The following KHDRBS2 variants were observed in gnomAD, a reference collection of about 807,000 sequenced individuals.
KHDRBS2 encodes KH domain-containing, RNA-binding, signal transduction-associated protein 2.
A neutral mutation model predicts 44.3 loss-of-function variants in KHDRBS2; 26 were observed. The ratio of observed to expected loss-of-function variants is 0.59; its 90% CI spans 0.43 to 0.81. The LOEUF is 0.81. Ranked by LOEUF, KHDRBS2 falls within the 40% of genes least tolerant of loss-of-function variation. KHDRBS2 has a pLI of 0.00. For missense variants in KHDRBS2, 476 were observed against 433.1 expected, an observed-to-expected ratio of 1.10 and a Z score of -0.88; for synonymous variants, 194 against 151.1, an observed-to-expected ratio of 1.28 and a Z score of -2.08.
intron 1 of KHDRBS2, among the ~76,000 whole-genome samples, chr6:62,205,278 T>C (rs1171456588): frequency 1.3e-5 from 2 of 152,128 alleles, no homozygotes; most frequent in Non-Finnish European, 2.9e-5. Flanking sequence ...ACAATGTCCA[T>C]AAAAATGTGG....
At chr6:61,977,961 G>A (rs573243171) in intron 4 of KHDRBS2, 105 bp downstream of exon 4, 2 of 943,772 alleles carry the variant, frequency 2.1e-6, no homozygotes, top group African/African-American at 3.3e-5. Context: ...ATAGATCATT[G>A]GTTTGCAATA....
chr6:61,588,916 G>A, the KHDRBS2 span, among the ~76,000 whole-genome samples: 3 of 152,104 alleles, frequency 2.0e-5, no homozygotes, highest in Non-Finnish European at 2.9e-5. Context: ...TCCTTCACAG[G>A]AACATGGATG....
chr6:62,183,080 T>G (rs1488368477), intron 1 of KHDRBS2, among the ~76,000 whole-genome samples: 1 of 151,842 alleles, frequency 6.6e-6, no homozygotes, highest in Non-Finnish European at 1.5e-5. Context: ...AAATAGAATT[T>G]GCTTAAGATT....
At chr6:61,889,445 G>C (rs1383236048) in intron 6 of KHDRBS2, among the ~76,000 whole-genome samples, 2 of 152,146 alleles carry the variant, frequency 1.3e-5, no homozygotes, top group Non-Finnish European at 2.9e-5. Context: ...TAACCCAGTC[G>C]TTCAGTCTAA....
intron 8 of KHDRBS2, among the ~76,000 whole-genome samples, chr6:61,686,290 G>A (rs114915055): frequency 8.7e-4 from 132 of 151,754 alleles, no homozygotes; most frequent in Non-Finnish European, 1.5e-3. Flanking sequence ...ATTACAAACC[G>A]CTAGTGTTTT....
chr6:61,636,973 C>A, the KHDRBS2 span, among the ~76,000 whole-genome samples: 1 of 152,156 alleles, frequency 6.6e-6, no homozygotes, highest in African/African-American at 2.4e-5. Flanking sequence ...GTTGAATAAA[C>A]ATACAAGAAG....
chr6:61,790,312 C>T (rs961748729), intron 6 of KHDRBS2, among the ~76,000 whole-genome samples: 4 of 150,304 alleles, frequency 2.7e-5, no homozygotes, highest in Non-Finnish European at 5.9e-5. Flanking sequence ...ATTTTCAATC[C>T]GTTAGATTTG....
chr6:61,845,859 C>T (rs1331904080), intron 6 of KHDRBS2, among the ~76,000 whole-genome samples: 6 of 152,076 alleles, frequency 3.9e-5, no homozygotes, highest in African/African-American at 1.4e-4. Flanking sequence ...TTTGGAAACT[C>T]GTCCCTACCC....
chr6:61,862,840 G>C (rs1797188347), intron 6 of KHDRBS2, among the ~76,000 whole-genome samples: 1 of 152,030 alleles, frequency 6.6e-6, no homozygotes, highest in Non-Finnish European at 1.5e-5. Context: ...TCATAGAATG[G>C]GTTAGGGAGG....
At chr6:62,153,372 TTGGA>T in intron 2 of KHDRBS2, among the ~76,000 whole-genome samples, 1 of 152,330 alleles carries the variant, frequency 6.6e-6, no homozygotes, top group South Asian at 2.1e-4. Context: ...AATCAAATTC[TTGGA>T]GTCCAAGCAT....
chr6:61,605,413 C>A, the KHDRBS2 span, among the ~76,000 whole-genome samples: 6 of 152,212 alleles, frequency 3.9e-5, no homozygotes, highest in African/African-American at 9.6e-5. Flanking sequence ...CCACTCTTAA[C>A]TCTTAAAGTA....
At chr6:61,943,022 GGAAGGAAGGAAGGAAA>G (rs1278976827) in intron 4 of KHDRBS2, among the ~76,000 whole-genome samples, 2 of 136,898 alleles carry the variant, frequency 1.5e-5, no homozygotes, top group South Asian at 2.3e-4. Context: ...GAGAGAGAAA[GGAAGGAAGGAAGGAAA>G]GAAGGAAGGG....
chr6:61,591,610 G>A, the KHDRBS2 span, among the ~76,000 whole-genome samples: 1 of 152,068 alleles, frequency 6.6e-6, no homozygotes, highest in Admixed American at 6.6e-5. Context: ...GCAGTGGTTT[G>A]TGTGTCCCTT....
At chr6:61,755,435 A>G (rs775081437) in intron 6 of KHDRBS2, among the ~76,000 whole-genome samples, 5 of 151,630 alleles carry the variant, frequency 3.3e-5, no homozygotes, top group Non-Finnish European at 7.4e-5. Flanking sequence ...GTCTGCAGAA[A>G]AACAAAGCTT....
At chr6:61,804,897 C>T (rs1786891453) in intron 6 of KHDRBS2, among the ~76,000 whole-genome samples, 1 of 152,148 alleles carries the variant, frequency 6.6e-6, no homozygotes, top group Non-Finnish European at 1.5e-5. Flanking sequence ...CTCTGACATG[C>T]CCTGGAGACA....
At chr6:61,899,141 A>T (rs570727323) in intron 5 of KHDRBS2, among the ~76,000 whole-genome samples, 2 of 152,076 alleles carry the variant, frequency 1.3e-5, no homozygotes, top group Non-Finnish European at 2.9e-5. Flanking sequence ...CAAAGACCTT[A>T]AACATTCTTT....
the KHDRBS2 span, among the ~76,000 whole-genome samples, chr6:61,564,907 G>A: frequency 6.6e-6 from 1 of 152,056 alleles, no homozygotes; most frequent in African/African-American, 2.4e-5. Flanking sequence ...ACAGAGTTTA[G>A]TAACCAAAAT....
At chr6:61,965,056 T>C (rs1421990737) in intron 4 of KHDRBS2, among the ~76,000 whole-genome samples, 1 of 152,088 alleles carries the variant, frequency 6.6e-6, no homozygotes, top group Non-Finnish European at 1.5e-5. Flanking sequence ...GTAAACGAAG[T>C]TCTGTTGCTT....
intron 6 of KHDRBS2, among the ~76,000 whole-genome samples, chr6:61,740,993 C>T (rs1362231549): frequency 6.6e-6 from 1 of 151,840 alleles, no homozygotes; most frequent in African/African-American, 2.4e-5. Context: ...GTTCCAAGCA[C>T]TACTTCCGCT....
Sources: allele counts gnomAD v4.1 joint callset (sites outside exome capture counted in the v4.1 genomes callset), GRCh38; gene constraint gnomAD v4.1.1; transcripts MANE v1.5; gene names NCBI Gene and HGNC (gene_info 2026-07-23, HGNC 2026-07-21).